MCU: variants seen among roughly 807,000 people sequenced by gnomAD.
MCU encodes calcium uniporter protein, mitochondrial.
Under a neutral mutation model 45.2 loss-of-function variants are expected in MCU, and 12 were observed. The ratio of observed to expected loss-of-function variants is 0.27; its 90% CI spans 0.17 to 0.43. The LOEUF is 0.43. Among genes scored for constraint, MCU ranks in the 20% least tolerant of loss-of-function variants. The probability of loss-of-function intolerance (pLI) is 1.00; values close to 1 mark genes in which losing one functional copy is unlikely to be tolerated. For synonymous variants in MCU, 160 were observed against 165.1 expected (o/e 0.97, Z 0.24); for missense variants, 324 against 436.7 (o/e 0.74, Z 2.30).
chr10:72,822,839 C>CAA lies in MCU; in HGVS notation c.151-11509_151-11508dup, dbSNP rs552126064. On this transcript the variant is annotated intron_variant, in intron 1 of 7. Coordinates refer to ENST00000373053, the MANE Select transcript of MCU (RefSeq NM_138357.3). ...TGGGCAACACAGTGAGACCCTGTCT[C>CAA]AAAAAAAAAAAATGACAGTATCAAG... Among the ~76,000 whole-genome samples the CAA allele has an allele frequency of 1.7e-4, 23 of 132,944 alleles. No homozygotes were observed. The East Asian group carries it at 4.9e-3, about 28-fold the overall frequency. 87.2% of individuals were successfully genotyped at this position (132,944 alleles called of 152,430 possible). A position where few individuals can be genotyped will look rare whatever the true frequency, so the allele number is the denominator to read the frequency against.
chr10:72,732,926 T>C (rs1843195428), intron 1 of MCU, among the ~76,000 whole-genome samples: 1 of 152,228 alleles, frequency 6.6e-6, no homozygotes, highest in Non-Finnish European at 1.5e-5. Context: ...GAGTGTTTTT[T>C]CTACATTTAG....
chr10:72,715,342 C>T lies in MCU; in HGVS notation c.150+23041C>T, dbSNP rs535696080. 1.7e-5 allele frequency: 3 copies of T among 180,480 alleles called. No individual in the cohort carries two copies. In the South Asian group the frequency reaches 5.6e-4, roughly 34 times the overall value. The allele number at this position is 180,480 out of a possible 1,614,324, so 11.2% of individuals were successfully genotyped here. A position where few individuals can be genotyped will look rare whatever the true frequency, so the allele number is the denominator to read the frequency against. ...CTTGCTTGATCCTTGTGGGCTGGCTCTTTGCTCCAGCCTGCTATTGAACAC... is the reference window on the plus strand; with the variant it reads ...CTTGCTTGATCCTTGTGGGCTGGCTTTTTGCTCCAGCCTGCTATTGAACAC... On this transcript the variant is annotated intron_variant, in intron 1 of 7. Coordinates refer to ENST00000373053, the MANE Select transcript of MCU (RefSeq NM_138357.3).
At chr10:72,711,803 C>T (rs1030569925) in intron 1 of MCU, among the ~76,000 whole-genome samples, 8 of 150,418 alleles carry the variant, frequency 5.3e-5, no homozygotes, top group Admixed American at 4.6e-4. Context: ...GCTCCATCTC[C>T]CGGGTTCACG....
chr10:72,803,572 C>G (rs1431138422), intron 1 of MCU, among the ~76,000 whole-genome samples: 1 of 151,818 alleles, frequency 6.6e-6, no homozygotes, highest in Non-Finnish European at 1.5e-5. Flanking sequence ...TTGTAATAAA[C>G]TTCCATTTCA....
intron 1 of MCU, among the ~76,000 whole-genome samples, chr10:72,713,276 T>TTTTTG (rs749723295): frequency 1.3e-5 from 2 of 152,182 alleles, no homozygotes; most frequent in Admixed American, 6.5e-5. Flanking sequence ...GGGAGAGTTT[T>TTTTTG]TTTTGTTTTG....
intron 1 of MCU, among the ~76,000 whole-genome samples, chr10:72,761,432 A>G (rs1843655295): frequency 1.3e-5 from 2 of 152,208 alleles, no homozygotes; most frequent in South Asian, 4.1e-4. Flanking sequence ...ATTCTGAGGT[A>G]CAAAGAAAAC....
intron 1 of MCU, among the ~76,000 whole-genome samples, chr10:72,696,381 G>C (rs1455981887): frequency 6.6e-6 from 1 of 151,756 alleles, no homozygotes; most frequent in Non-Finnish European, 1.5e-5. Flanking sequence ...AATGGAGACA[G>C]ATTCAATAAT....
chr10:72,818,470 A>T (rs1434091688), intron 1 of MCU, among the ~76,000 whole-genome samples: 1 of 152,170 alleles, frequency 6.6e-6, no homozygotes, highest in East Asian at 1.9e-4. Flanking sequence ...ATTTATTGCC[A>T]TTGTTACTGA....
intron 1 of MCU, among the ~76,000 whole-genome samples, chr10:72,720,300 A>C (rs1843004023): frequency 6.6e-6 from 1 of 152,234 alleles, no homozygotes. Context: ...CTGCTGAAGA[A>C]ATAAAGACAG....
chr10:72,766,729 T>A (rs1843732713), intron 1 of MCU: 1 of 152,254 alleles, frequency 6.6e-6, no homozygotes, highest in Non-Finnish European at 1.5e-5. Context: ...CTGATACTTA[T>A]TGATCAATTA....
intron 1 of MCU, among the ~76,000 whole-genome samples, chr10:72,702,007 A>AG (rs1305142369): frequency 2.0e-5 from 3 of 151,910 alleles, no homozygotes; most frequent in Admixed American, 2.0e-4. Context: ...TGGGATACTG[A>AG]GATGGGGGAA....
chr10:72,817,914 C>CTAAG lies in MCU; in HGVS notation c.151-16442_151-16439dup, dbSNP rs201786477. On this transcript the variant is annotated intron_variant, in intron 1 of 7. Transcript: ENST00000373053. ...CATTTATTGAGTGGCTTTGCATGTA[C>CTAAG]TAAGTACTTTAACAAAATCCAATCA... is the stretch of plus-strand genomic sequence containing the variant. Among the ~76,000 whole-genome samples, 1,087 of 152,300 alleles carry CTAAG rather than the reference C, an allele frequency of 7.1e-3. 10 individuals carry two copies. Among genetic ancestry groups the CTAAG allele is most frequent in the South Asian group, 0.04 (195 of 4,834 alleles).
intron 1 of MCU, among the ~76,000 whole-genome samples, chr10:72,810,022 T>G (rs112943621): frequency 3.3e-5 from 5 of 149,998 alleles, no homozygotes; most frequent in Non-Finnish European, 7.4e-5. Flanking sequence ...GTGTGTGTGT[T>G]TGTATGTGTG....
chr10:72,841,310 T>A (rs111838507), intron 2 of MCU, among the ~76,000 whole-genome samples: 14 of 150,394 alleles, frequency 9.3e-5, no homozygotes, highest in South Asian at 8.5e-4. Context: ...AAAAAAAAAA[T>A]TTTTTTTTTG....
At chr10:72,832,286 T>C (rs534816894) in intron 1 of MCU, among the ~76,000 whole-genome samples, 1 of 152,284 alleles carries the variant, frequency 6.6e-6, no homozygotes, top group Non-Finnish European at 1.5e-5. Flanking sequence ...TCATAACTGA[T>C]AAGAGATTAC....
At chr10:72,830,997 T>C (rs944631927) in intron 1 of MCU, among the ~76,000 whole-genome samples, 1 of 152,138 alleles carries the variant, frequency 6.6e-6, no homozygotes, top group Non-Finnish European at 1.5e-5. Context: ...CTCTCATGAG[T>C]CCTACTTCTA....
At chr10:72,706,951 T>C (rs1337604810) in intron 1 of MCU, among the ~76,000 whole-genome samples, 1 of 150,936 alleles carries the variant, frequency 6.6e-6, no homozygotes, top group Non-Finnish European at 1.5e-5. Context: ...TGCCTCAGCC[T>C]CCCGAGTAGC....
intron 1 of MCU, among the ~76,000 whole-genome samples, chr10:72,717,159 C>T (rs1589429989): frequency 6.8e-6 from 1 of 147,774 alleles, no homozygotes; most frequent in Admixed American, 6.8e-5. Flanking sequence ...GAAGTAAAAG[C>T]AAAGACTCAA....
chr10:72,836,316 A>G (rs1371071051), intron 2 of MCU, among the ~76,000 whole-genome samples: 1 of 152,160 alleles, frequency 6.6e-6, no homozygotes, highest in East Asian at 1.9e-4. Context: ...CTGGAAGGTC[A>G]AGTCCCATTG....
Sources: allele counts gnomAD v4.1 joint callset (sites outside exome capture counted in the v4.1 genomes callset), GRCh38; gene constraint gnomAD v4.1.1; transcripts MANE v1.5; gene names NCBI Gene and HGNC (gene_info 2026-07-23, HGNC 2026-07-21).